Variants in DISC1 observed in about 807,000 individuals in gnomAD.
DISC1 encodes the protein DISC1 scaffold protein.
DISC1 carries 57 observed loss-of-function variants against 84.5 expected under a neutral mutation model. That is an observed-to-expected ratio of 0.67 (90% CI 0.55 to 0.84). The LOEUF (loss-of-function observed/expected upper bound fraction) is 0.84, where lower values mean the gene tolerates loss of function less well. Ranked by LOEUF, DISC1 falls within the 40% of genes least tolerant of loss-of-function variation. DISC1 has a pLI of 0.00. For missense variants in DISC1, 1,000 were observed against 1,057.8 expected, an observed-to-expected ratio of 0.95 and a Z score of 0.76; for synonymous variants, 411 against 415.2, an observed-to-expected ratio of 0.99 and a Z score of 0.12.
At chr1:231,977,164 C>T (rs113134475) in intron 10 of DISC1, among the ~76,000 whole-genome samples, 9 of 152,270 alleles carry the variant, frequency 5.9e-5, no homozygotes, top group African/African-American at 1.9e-4. Context: ...AATTTCAATA[C>T]GTGGCCAAAC....
chr1:231,678,183 GACATCTAATACAT>G, intron 1 of DISC1, among the ~76,000 whole-genome samples: 1 of 152,310 alleles, frequency 6.6e-6, no homozygotes, highest in Middle Eastern at 3.4e-3. Context: ...TAAAAAAATG[GACATCTAATACAT>G]ACATTGGTCT....
chr1:231,734,333 G>A (rs2072164806), intron 3 of DISC1, among the ~76,000 whole-genome samples: 4 of 152,180 alleles, frequency 2.6e-5, no homozygotes, highest in Admixed American at 2.6e-4. Flanking sequence ...TTGTGAATCT[G>A]TTTGAAGTGG....
chr1:231,686,872 C>T (rs7524984), intron 1 of DISC1, among the ~76,000 whole-genome samples: 57,384 of 151,938 alleles, frequency 0.38, 11,258 homozygotes, highest in African/African-American at 0.49. Flanking sequence ...AAATTTCTTC[C>T]GCCAGATACC....
chr1:231,879,175 C>T (rs1387121053), intron 9 of DISC1, among the ~76,000 whole-genome samples: 2 of 151,694 alleles, frequency 1.3e-5, no homozygotes, highest in East Asian at 3.9e-4. Context: ...ACGTGAAATG[C>T]TCCAATTAGC....
chr1:231,832,658 A>T (rs1230743179), intron 9 of DISC1, among the ~76,000 whole-genome samples: 1 of 148,622 alleles, frequency 6.7e-6, no homozygotes, highest in Non-Finnish European at 1.5e-5. Context: ...GCTGGGATGA[A>T]GGGTGCAAAG....
intron 9 of DISC1, among the ~76,000 whole-genome samples, chr1:231,918,860 C>G (rs1039912620): frequency 6.6e-6 from 1 of 152,194 alleles, no homozygotes; most frequent in Non-Finnish European, 1.5e-5. Context: ...CGCCCACCTC[C>G]GGAAACCACA....
At chr1:231,640,990 C>G (rs539706407) in intron 1 of DISC1, among the ~76,000 whole-genome samples, 10 of 152,184 alleles carry the variant, frequency 6.6e-5, no homozygotes, top group African/African-American at 2.2e-4. Flanking sequence ...GATAACCTAC[C>G]CTGTAGTCTG....
Position 231,698,225 on chromosome 1 carries a change from A to G in DISC1, c.1047+3420A>G, listed in dbSNP as rs1196387071. The stretch of plus-strand genomic sequence containing the variant: ...CTACCCTGTATTTCTCTTAGGAGCA[A>G]TGCTTCATTATTCCCTAATTCAGTA... On this transcript the variant is annotated intron_variant, in intron 2 of 12. Transcript: ENST00000439617. This position sits in a 1 kb window ranked among gnomAD's most constrained non-coding sequence, Gnocchi z 4.9. Among the ~76,000 whole-genome samples the G allele has an allele frequency of 6.6e-6, 1 of 152,230 alleles. No homozygotes were observed. The highest frequency in any genetic ancestry group is 1.5e-5 in the Non-Finnish European group (1 of 68,036).
At chr1:231,886,775 C>G (rs1558692005) in intron 9 of DISC1, among the ~76,000 whole-genome samples, 2 of 68,470 alleles carry the variant, frequency 2.9e-5, no homozygotes, top group Non-Finnish European at 6.8e-5. Context: ...TCCTTTCTTT[C>G]TTTCTTTCTT....
intron 4 of DISC1, among the ~76,000 whole-genome samples, chr1:231,754,591 C>G (rs547327454): frequency 1.3e-5 from 2 of 152,176 alleles, no homozygotes; most frequent in African/African-American, 4.8e-5. Flanking sequence ...TTGGGGATTA[C>G]AATTCAACAT....
At chr1:231,894,639 A>G (rs985404587) in intron 9 of DISC1, among the ~76,000 whole-genome samples, 1 of 151,790 alleles carries the variant, frequency 6.6e-6, no homozygotes, top group Admixed American at 6.6e-5. Context: ...TAAAGTTTCC[A>G]TCTGGAATTT....
At chr1:231,709,405 C>T (rs1325275312) in intron 3 of DISC1, among the ~76,000 whole-genome samples, 1 of 152,048 alleles carries the variant, frequency 6.6e-6, no homozygotes, top group East Asian at 1.9e-4. Context: ...ACACGCTTGG[C>T]TCTTTCTTAG....
intron 10 of DISC1, among the ~76,000 whole-genome samples, chr1:231,976,365 C>T (rs1338889371): frequency 1.3e-5 from 2 of 152,298 alleles, no homozygotes; most frequent in East Asian, 3.9e-4. Context: ...AAATGCAGTG[C>T]TTCTGTGAAG....
chr1:231,850,736 G>A (rs145140265), intron 9 of DISC1, among the ~76,000 whole-genome samples: 1 of 152,218 alleles, frequency 6.6e-6, no homozygotes, highest in African/African-American at 2.4e-5. Context: ...TATCAGAATT[G>A]TTTTAAATAT....
chr1:231,809,223 C>T (rs887967661), intron 8 of DISC1, among the ~76,000 whole-genome samples: 3 of 152,124 alleles, frequency 2.0e-5, no homozygotes, highest in Non-Finnish European at 1.5e-5. Flanking sequence ...GTGTCATTCC[C>T]GTTACAGTCA....
intron 10 of DISC1, among the ~76,000 whole-genome samples, chr1:231,992,425 A>T (rs893020221): frequency 6.6e-6 from 1 of 152,226 alleles, no homozygotes; most frequent in East Asian, 1.9e-4. Context: ...AGACCATGCA[A>T]CGTGTTAGAA....
At chr1:231,628,331 T>G (rs1394683905) in intron 1 of DISC1, among the ~76,000 whole-genome samples, 1 of 152,186 alleles carries the variant, frequency 6.6e-6, no homozygotes, top group African/African-American at 2.4e-5. Context: ...TAGTAATTAC[T>G]GCCTTTTGTA....
intron 3 of DISC1, among the ~76,000 whole-genome samples, chr1:231,706,455 C>A (rs1334197929): frequency 6.6e-6 from 1 of 152,240 alleles, no homozygotes; most frequent in Non-Finnish European, 1.5e-5. Context: ...ATCCCCCTGG[C>A]TGCTCGTGTC....
chr1:231,903,396 A>G (rs2088353749), intron 9 of DISC1, among the ~76,000 whole-genome samples: 1 of 152,234 alleles, frequency 6.6e-6, no homozygotes, highest in African/African-American at 2.4e-5. Flanking sequence ...TTATAATCAA[A>G]GAGCCTATAA....
Sources: gnomAD v4.1 joint callset for allele counts (sites outside exome capture counted in the v4.1 genomes callset) on GRCh38, gnomAD v4.1.1 for gene constraint, Gnocchi (gnomAD v3.1) non-coding constraint, MANE v1.5 for transcripts, NCBI Gene and HGNC (gene_info 2026-07-23, HGNC 2026-07-21) for gene names.